HEPH: variants seen among roughly 807,000 people sequenced by gnomAD.
HEPH encodes the protein hephaestin.
Under a neutral mutation model 80.8 loss-of-function variants are expected in HEPH, and 69 were observed. The observed-to-expected ratio is 0.85, with a 90% CI of 0.70 to 1.04. The LOEUF (loss-of-function observed/expected upper bound fraction) is 1.04, where lower values mean the gene tolerates loss of function less well. Among genes scored for constraint, HEPH ranks in the 50% least tolerant of loss-of-function variants. The pLI is 0.00. For synonymous variants in HEPH, 431 were observed against 322.8 expected (o/e 1.34, Z -3.60); for missense variants, 1,115 against 891.3 (o/e 1.25, Z -3.20).
chrX:66,256,878 A>G (rs2091199097), intron 17 of HEPH, among the ~76,000 whole-genome samples: 1 of 112,076 alleles, frequency 8.9e-6, no homozygotes, highest in Non-Finnish European at 1.9e-5. Flanking sequence ...ACAAGGAAGA[A>G]CTTTTTGGTA....
chrX:66,204,145 C>T (rs1348873975), intron 13 of HEPH, among the ~76,000 whole-genome samples: 1 of 111,739 alleles, frequency 8.9e-6, no homozygotes, highest in Non-Finnish European at 1.9e-5. Flanking sequence ...AGAAAGAAGT[C>T]CAGGGCAAGC....
chrX:66,182,211 A>G (rs2087201319), intron 4 of HEPH, among the ~76,000 whole-genome samples: 1 of 60,214 alleles, frequency 1.7e-5, no homozygotes, highest in Non-Finnish European at 3.1e-5. Context: ...ATGAACTTTA[A>G]AGTAGTTTTT....
chrX:66,249,113 G>A (rs749059116), intron 15 of HEPH, among the ~76,000 whole-genome samples: 27 of 111,233 alleles, frequency 2.4e-4, no homozygotes, highest in Non-Finnish European at 4.5e-4. Flanking sequence ...GAGGACCCAC[G>A]TGAGTAGAAA....
At chrX:66,199,369 C>G (rs1047116216) in intron 11 of HEPH, among the ~76,000 whole-genome samples, 2 of 110,290 alleles carry the variant, frequency 1.8e-5, no homozygotes, top group South Asian at 4.0e-4. Context: ...GTCCCCCCCC[C>G]CCATACTCCA....
chrX:66,167,352 T>C (rs1191055898), intron 1 of HEPH, among the ~76,000 whole-genome samples: 1 of 112,555 alleles, frequency 8.9e-6, no homozygotes, highest in Non-Finnish European at 1.9e-5. Context: ...ATTTGGATCA[T>C]AAGTCACCAC....
At chrX:66,164,234 A>C, upstream of HEPH, 1 of 754,383 alleles carries the variant, frequency 1.3e-6, no homozygotes, top group Non-Finnish European at 1.6e-6. Flanking sequence ...ACCAGGCCCC[A>C]GAGGAACAGG....
At chrX:66,204,236 G>T (rs756882500) in intron 13 of HEPH, among the ~76,000 whole-genome samples, 57 of 111,703 alleles carry the variant, frequency 5.1e-4, no homozygotes, top group African/African-American at 1.6e-3. Context: ...TAATTCTTAT[G>T]GCCATAATTG....
At chrX:66,179,096 T>G (rs1271624379) in intron 4 of HEPH, among the ~76,000 whole-genome samples, 1 of 112,208 alleles carries the variant, frequency 8.9e-6, no homozygotes, top group Non-Finnish European at 1.9e-5. Flanking sequence ...ATTTAAGTCT[T>G]TAATTCATCT....
chrX:66,232,444 A>C (rs189335517), intron 15 of HEPH, among the ~76,000 whole-genome samples: 44 of 111,874 alleles, frequency 3.9e-4, no homozygotes, highest in African/African-American at 1.3e-3. Flanking sequence ...TAGTTATGAC[A>C]TCAACCATAC....
At chrX:66,244,843 C>A (rs1481190944) in intron 15 of HEPH, among the ~76,000 whole-genome samples, 2 of 107,137 alleles carry the variant, frequency 1.9e-5, no homozygotes, top group Admixed American at 2.0e-4. Context: ...CTTTTATATT[C>A]TTTGATTCCC....
At chrX:66,212,208 A>T (rs1256716427) in intron 15 of HEPH, among the ~76,000 whole-genome samples, 1 of 103,787 alleles carries the variant, frequency 9.6e-6, no homozygotes, top group Non-Finnish European at 2.0e-5. Flanking sequence ...TTTCCTCTTA[A>T]CTTGCTTGAG....
rs1602324621 is a variant in HEPH, at chrX:66,203,374, G to T, written c.2088G>T (p.Glu696Asp). The change falls in exon 13 of 21, where the codon GAG becomes GAT. Residue 696 changes from glutamate to aspartate, a missense_variant. By Grantham distance (45) the Glu-to-Asp change is conservative (BLOSUM62 2). Around this residue, in one of 3 missense-constraint regions of HEPH, gnomAD observed 716 missense variants for 523.5 expected, o/e 1.37. Transcript: ENST00000343002. ...IMQPDNLGTF[E>D]IYCQAGSHRE... ...CTGATCCTCCCTCAGGGACATTTGA[G>T]ATTTATTGCCAGGCAGGCAGCCATC... 5.8e-6 allele frequency: 7 copies of T among 1,209,924 alleles called. No homozygotes were observed. The highest frequency in any genetic ancestry group is 7.8e-6 in the Non-Finnish European group (7 of 894,814).
At chrX:66,207,513 A>G (rs2088859399) in intron 14 of HEPH, among the ~76,000 whole-genome samples, 179 bp downstream of exon 14, 1 of 110,232 alleles carries the variant, frequency 9.1e-6, no homozygotes, top group Non-Finnish European at 1.9e-5. Context: ...GAGGAAGGAA[A>G]TCATGAATTC....
chrX:66,224,367 C>T (rs1461244478), intron 15 of HEPH, among the ~76,000 whole-genome samples: 1 of 108,725 alleles, frequency 9.2e-6, no homozygotes, highest in Admixed American at 9.8e-5. Context: ...CATTGATTGT[C>T]CTGTCCTGAA....
At chrX:66,244,297 G>A (rs947523042) in intron 15 of HEPH, among the ~76,000 whole-genome samples, 12 of 111,307 alleles carry the variant, frequency 1.1e-4, no homozygotes, top group Non-Finnish European at 1.9e-5. Context: ...TCTTTTTCAG[G>A]GTTGTCAATG....
chrX:66,249,156 G>C (rs752508289), intron 15 of HEPH, among the ~76,000 whole-genome samples: 2 of 111,372 alleles, frequency 1.8e-5, no homozygotes, highest in Non-Finnish European at 1.9e-5. Context: ...GGGCTTGGTA[G>C]ACATGGATAA....
intron 19 of HEPH, among the ~76,000 whole-genome samples, chrX:66,261,832 A>G (rs1212170728): frequency 8.9e-6 from 1 of 112,336 alleles, no homozygotes; most frequent in Non-Finnish European, 1.9e-5. Flanking sequence ...CTCAGGAGCT[A>G]TTCCCTAGCA....
chrX:66,256,798 A>T (rs1322239978), intron 17 of HEPH, among the ~76,000 whole-genome samples: 1 of 112,264 alleles, frequency 8.9e-6, no homozygotes, highest in Non-Finnish European at 1.9e-5. Flanking sequence ...TCTTTTTAAA[A>T]GAGTTTCAAT....
At chrX:66,214,521 A>T (rs1602371757) in intron 15 of HEPH, among the ~76,000 whole-genome samples, 1 of 111,327 alleles carries the variant, frequency 9.0e-6, no homozygotes, top group Non-Finnish European at 1.9e-5. Flanking sequence ...AATCAATGGA[A>T]TTTTGGCCTC....
Sources: allele counts gnomAD v4.1 joint callset (sites outside exome capture counted in the v4.1 genomes callset), GRCh38; gene constraint gnomAD v4.1.1; regional missense constraint gnomAD v4.1.1; transcripts MANE v1.5; gene names NCBI Gene and HGNC (gene_info 2026-07-23, HGNC 2026-07-21).